Variants in AHI1 observed in about 807,000 individuals in gnomAD.
AHI1 encodes the protein Abelson helper integration site 1.
A neutral mutation model predicts 149.3 loss-of-function variants in AHI1; 123 were observed. The ratio of observed to expected loss-of-function variants is 0.82; its 90% CI spans 0.71 to 0.96. The LOEUF (loss-of-function observed/expected upper bound fraction) is 0.96. Ranked by LOEUF, AHI1 falls within the 40% of genes least tolerant of loss-of-function variation. The pLI is 0.00. For missense variants in AHI1, 1,439 were observed against 1,422.7 expected (o/e 1.01, Z -0.18); for synonymous variants, 475 against 459.8 (o/e 1.03, Z -0.42).
intron 22 of AHI1, among the ~76,000 whole-genome samples, chr6:135,401,276 T>C (rs1779990046): frequency 6.6e-6 from 1 of 152,206 alleles, no homozygotes; most frequent in Non-Finnish European, 1.5e-5. Context: ...TCACTTATTA[T>C]CTGAAACTAC....
intron 23 of AHI1, among the ~76,000 whole-genome samples, chr6:135,383,407 AC>A (rs1342908797): frequency 3.3e-5 from 5 of 151,190 alleles, no homozygotes; most frequent in Non-Finnish European, 5.9e-5. Context: ...AATTAAAAAA[AC>A]ATTTTTTTTA....
chr6:135,406,030 T>C (rs977829746), intron 21 of AHI1, among the ~76,000 whole-genome samples: 2 of 151,742 alleles, frequency 1.3e-5, no homozygotes, highest in African/African-American at 4.8e-5. Flanking sequence ...CTGAAAAAAA[T>C]AGATACTTCT....
intron 11 of AHI1, among the ~76,000 whole-genome samples, chr6:135,449,623 T>C (rs984247463): frequency 1.1e-4 from 16 of 152,090 alleles, no homozygotes; most frequent in African/African-American, 2.7e-4. Flanking sequence ...ATTAGAAGAA[T>C]AGGCACTGAG....
chr6:135,432,667 T>C (rs1481677984), intron 16 of AHI1, among the ~76,000 whole-genome samples: 1 of 152,162 alleles, frequency 6.6e-6, no homozygotes, highest in Non-Finnish European at 1.5e-5. Context: ...ATTATTCTTA[T>C]ATCAAGATAA....
At chr6:135,430,078 T>TAAA in intron 17 of AHI1, 78 bp from the exon 18 acceptor site, 1 of 742,098 alleles carries the variant, frequency 1.3e-6, no homozygotes. Context: ...AAATTAATCT[T>TAAA]AAAATATCAT....
chr6:135,388,645 G>A lies in AHI1; in HGVS notation c.3109+6131C>T, dbSNP rs112842630. Among the ~76,000 whole-genome samples the A allele has an allele frequency of 9.3e-3, 1,413 of 152,232 alleles. 19 individuals carry two copies. The highest frequency in any genetic ancestry group is 0.032 in the African/African-American group (1,318 of 41,518). On this transcript the variant is annotated intron_variant, in intron 23 of 28. Coordinates refer to ENST00000265602, the MANE Select transcript of AHI1 (RefSeq NM_001134831.2). ...CAGTAAAAAATTTAACTGGAACAAT[G>A]ACTCTCAATTTTAAGAGCTGGTCAA...
At chr6:135,300,277 A>G (rs1482134052) in intron 27 of AHI1, among the ~76,000 whole-genome samples, 1 of 148,830 alleles carries the variant, frequency 6.7e-6, no homozygotes, top group African/African-American at 2.5e-5. Context: ...GTGAGCTGAG[A>G]TTGTGCCACG....
In AHI1 at chr6:135,445,197, T is replaced by G. The variant is rs1386558391; in HGVS notation, c.1779+1811A>C. 2.0e-5 allele frequency among the ~76,000 whole-genome samples: 3 copies of G among 152,114 alleles called. 1 individual carries two copies. Among genetic ancestry groups the G allele is most frequent in the African/African-American group, 7.2e-5 (3 of 41,414 alleles). ...CAAATGTGATATAAAATATAGAAAA[T>G]GAAGATGAATAAGTAAGAATAGTAA... On this transcript the variant is annotated intron_variant, in intron 13 of 28. Transcript: ENST00000265602.
chr6:135,470,788 G>A (rs1213668216), intron 5 of AHI1, among the ~76,000 whole-genome samples: 1 of 151,840 alleles, frequency 6.6e-6, no homozygotes, highest in African/African-American at 2.4e-5. Context: ...GGCCTGTCAG[G>A]GAGTTTGGGG....
intron 23 of AHI1, among the ~76,000 whole-genome samples, chr6:135,363,942 G>A (rs1329574932): frequency 0.024 from 2,425 of 99,452 alleles, no homozygotes; most frequent in East Asian, 0.084. Context: ...CGGGCGGGGG[G>A]CTGACCCCCC....
Position 135,455,863 on chromosome 6 carries a change from G to C in AHI1, c.1215C>G (p.Thr405=). 3 of 1,587,682 alleles carry C rather than the reference G, an allele frequency of 1.9e-6. No individual in the cohort carries two copies. The highest frequency in any genetic ancestry group is 2.6e-6 in the Non-Finnish European group (3 of 1,163,360). Residue 405 remains threonine, a synonymous_variant, in exon 10 of 29, where the codon ACC becomes ACG. Coordinates refer to ENST00000265602, the MANE Select transcript of AHI1 (RefSeq NM_001134831.2). ...ENVDYILPIM[T]QPYDFKQLKS... is the part of the protein sequence containing the mutation. ...TTAACTGTTTAAAATCATATGGCTG[G>C]GTCATAATAGGAAGAATATAATCCA...
intron 10 of AHI1, among the ~76,000 whole-genome samples, chr6:135,453,912 G>C (rs1488820999): frequency 1.3e-5 from 2 of 151,992 alleles, no homozygotes; most frequent in African/African-American, 4.8e-5. Context: ...CCTCTATCCT[G>C]TCTGGACATT....
intron 5 of AHI1, among the ~76,000 whole-genome samples, chr6:135,489,587 C>T (rs1227356411): frequency 1.3e-5 from 2 of 152,104 alleles, no homozygotes; most frequent in Non-Finnish European, 2.9e-5. Flanking sequence ...ATATTGTGCA[C>T]TAGTACCACC....
chr6:135,358,763 T>C (rs1793392650), intron 23 of AHI1, among the ~76,000 whole-genome samples: 1 of 152,198 alleles, frequency 6.6e-6, no homozygotes, highest in African/African-American at 2.4e-5. Flanking sequence ...TCTTTTATCA[T>C]GTGTGGATTT....
chr6:135,342,421 T>C (rs1790516944), intron 24 of AHI1, among the ~76,000 whole-genome samples: 1 of 151,912 alleles, frequency 6.6e-6, no homozygotes, highest in Admixed American at 6.6e-5. Flanking sequence ...GGGATCGGTA[T>C]TACCATGATC....
Position 135,464,137 on chromosome 6 carries a change from G to A in AHI1, c.750-831C>T, listed in dbSNP as rs535179267. ...TTTTAATGTATCTAGTAAAAAATCT[G>A]CATGTAAATAATAAAAAATTAATTT... is the stretch of plus-strand genomic sequence containing the variant. On this transcript the variant is annotated intron_variant, in intron 7 of 28. Transcript: ENST00000265602. 8.6e-4 allele frequency among the ~76,000 whole-genome samples: 131 copies of A among 151,756 alleles called. 1 individual carries two copies. Among genetic ancestry groups the A allele is most frequent in the African/African-American group, 2.9e-3 (121 of 41,368 alleles).
chr6:135,345,835 T>C (rs1791109973), intron 24 of AHI1, among the ~76,000 whole-genome samples: 1 of 152,028 alleles, frequency 6.6e-6, no homozygotes, highest in South Asian at 2.1e-4. Context: ...AAAGCTGTTA[T>C]AAAAAAAGAA....
chr6:135,424,204 C>G (rs1783621013), intron 20 of AHI1, among the ~76,000 whole-genome samples: 1 of 151,976 alleles, frequency 6.6e-6, no homozygotes. Flanking sequence ...GAGCAAACTG[C>G]ATTGATTTAA....
At chr6:135,293,078 G>C (rs545433467) in intron 27 of AHI1, among the ~76,000 whole-genome samples, 3 of 152,122 alleles carry the variant, frequency 2.0e-5, no homozygotes, top group Non-Finnish European at 4.4e-5. Flanking sequence ...TCCGAGGAAC[G>C]CGAAGTTGGT....
Sources: gnomAD v4.1 joint callset for allele counts (sites outside exome capture counted in the v4.1 genomes callset) on GRCh38, gnomAD v4.1.1 for gene constraint, MANE v1.5 for transcripts, NCBI Gene and HGNC (gene_info 2026-07-23, HGNC 2026-07-21) for gene names.